GRIK1: variants seen among roughly 807,000 people sequenced by gnomAD.
GRIK1 encodes glutamate ionotropic receptor kainate type subunit 1.
Under a neutral mutation model 105.7 loss-of-function variants are expected in GRIK1, and 69 were observed. The observed-to-expected ratio is 0.65, with a 90% CI of 0.54 to 0.80. The LOEUF (loss-of-function observed/expected upper bound fraction) is 0.80. GRIK1 is among the 30% of genes least tolerant of loss of function. The probability of loss-of-function intolerance (pLI) is 0.00; values close to 1 mark genes in which losing one functional copy is unlikely to be tolerated. For missense variants in GRIK1, 1,109 were observed against 1,167.3 expected (o/e 0.95, Z 0.73); for synonymous variants, 438 against 431.3 (o/e 1.02, Z -0.19).
intron 1 of GRIK1, among the ~76,000 whole-genome samples, chr21:29,813,598 T>C (rs2067070695): frequency 6.6e-6 from 1 of 152,136 alleles, no homozygotes; most frequent in Admixed American, 6.5e-5. Context: ...TAAACATGAG[T>C]GTGTAGCATT....
At chr21:29,542,250 T>C (rs1283953317) in intron 16 of GRIK1, among the ~76,000 whole-genome samples, 1 of 152,220 alleles carries the variant, frequency 6.6e-6, no homozygotes, top group Non-Finnish European at 1.5e-5. Flanking sequence ...TTTTCTTTCA[T>C]ATTCTGTCTT....
chr21:29,730,811 C>A (rs190525275), intron 1 of GRIK1, among the ~76,000 whole-genome samples: 1 of 151,990 alleles, frequency 6.6e-6, no homozygotes, highest in Admixed American at 6.6e-5. Context: ...ACACTTTTGT[C>A]CTATGGGACA....
chr21:29,720,150 C>T (rs2064283918), intron 1 of GRIK1, among the ~76,000 whole-genome samples: 1 of 152,202 alleles, frequency 6.6e-6, no homozygotes, highest in Non-Finnish European at 1.5e-5. Context: ...GCCATGGCTC[C>T]ACAATCCCTG....
chr21:29,857,747 A>T (rs2068506563), intron 1 of GRIK1, among the ~76,000 whole-genome samples: 2 of 152,310 alleles, frequency 1.3e-5, no homozygotes, highest in Admixed American at 6.5e-5. Flanking sequence ...TCCTCTGATT[A>T]TATATTTACA....
intron 1 of GRIK1, among the ~76,000 whole-genome samples, chr21:29,933,633 G>C (rs1027562979): frequency 6.6e-6 from 1 of 151,790 alleles, no homozygotes; most frequent in Admixed American, 6.6e-5. Flanking sequence ...AGAGAGAGAG[G>C]GAGAGAGTTA....
chr21:29,893,471 G>T (rs2069984060), intron 1 of GRIK1, among the ~76,000 whole-genome samples: 1 of 152,188 alleles, frequency 6.6e-6, no homozygotes, highest in African/African-American at 2.4e-5. Flanking sequence ...ACTTGGAAAA[G>T]CTGCCTAATC....
chr21:29,696,891 C>G (rs1247864117), intron 1 of GRIK1, among the ~76,000 whole-genome samples: 1 of 152,200 alleles, frequency 6.6e-6, no homozygotes, highest in East Asian at 1.9e-4. Flanking sequence ...GATCTACCTA[C>G]TTCCTCTTTG....
At chr21:29,607,712 G>T (rs187369090) in intron 7 of GRIK1, among the ~76,000 whole-genome samples, 1 of 152,156 alleles carries the variant, frequency 6.6e-6, no homozygotes, top group East Asian at 1.9e-4. Flanking sequence ...GAATTATAGA[G>T]TTCTGATGTA....
intron 1 of GRIK1, among the ~76,000 whole-genome samples, chr21:29,844,734 C>T (rs564227709): frequency 6.6e-6 from 1 of 152,216 alleles, no homozygotes; most frequent in South Asian, 2.1e-4. Context: ...TCTGTTTTGG[C>T]GAGTTATAGT....
At chr21:29,596,146 C>A in intron 9 of GRIK1, 1 of 357,108 alleles carries the variant, frequency 2.8e-6, no homozygotes, top group South Asian at 2.3e-5. Context: ...TGGATCAAAT[C>A]TATTGTGATT....
intron 1 of GRIK1, among the ~76,000 whole-genome samples, chr21:29,706,348 A>G (rs938059090): frequency 2.6e-5 from 4 of 152,244 alleles, no homozygotes; most frequent in African/African-American, 9.6e-5. Flanking sequence ...TAGAACATCT[A>G]AAAAGCTGAC....
chr21:29,821,057 TA>T (rs11369503), intron 1 of GRIK1, among the ~76,000 whole-genome samples: 1,755 of 141,370 alleles, frequency 0.012, 25 homozygotes, highest in African/African-American at 0.037. Context: ...CAACACACAG[TA>T]AAAAAAAAAA....
intron 1 of GRIK1, among the ~76,000 whole-genome samples, chr21:29,734,426 T>C (rs464561): frequency 0.33 from 6,705 of 20,582 alleles, 1,376 homozygotes; most frequent in Middle Eastern, 0.67. Context: ...CTTTTCTTTT[T>C]GAGACAGAGT....
At chr21:29,603,891 G>A (rs2061565470) in intron 7 of GRIK1, among the ~76,000 whole-genome samples, 1 of 152,138 alleles carries the variant, frequency 6.6e-6, no homozygotes, top group South Asian at 2.1e-4. Flanking sequence ...TTGAAAGGAT[G>A]TAGTTATCTT....
intron 1 of GRIK1, among the ~76,000 whole-genome samples, chr21:29,741,048 C>G (rs2064913804): frequency 6.6e-6 from 1 of 152,226 alleles, no homozygotes; most frequent in Non-Finnish European, 1.5e-5. Context: ...GATGTGTACT[C>G]AATCCTCAGA....
At chr21:29,827,275 A>G (rs951516408) in intron 1 of GRIK1, among the ~76,000 whole-genome samples, 1 of 152,142 alleles carries the variant, frequency 6.6e-6, no homozygotes, top group Admixed American at 6.6e-5. Context: ...CTCAGGCCCT[A>G]GACAAAAATT....
Position 29,577,282 on chromosome 21 carries a change from T to C in GRIK1, c.1913-101A>G. ...CTAGGAAGATCAACCTGTAAAAGACTTACCGTCTTGTAGGTAGATGAAATA... is the reference window on the plus strand; with the variant it reads ...CTAGGAAGATCAACCTGTAAAAGACCTACCGTCTTGTAGGTAGATGAAATA... On this transcript the variant is annotated intron_variant, in intron 13 of 17. Transcript: ENST00000327783. The C allele has an allele frequency of 7.4e-6, 5 of 676,444 alleles. No individual in the cohort carries two copies. In the South Asian group the frequency reaches 9.9e-5, roughly 13 times the overall value. The allele number at this position is 676,444 out of a possible 1,614,324, so 41.9% of individuals were successfully genotyped here.
chr21:29,915,715 G>GA (rs2070972737), intron 1 of GRIK1, among the ~76,000 whole-genome samples: 1 of 151,954 alleles, frequency 6.6e-6, no homozygotes, highest in Admixed American at 6.6e-5. Context: ...CAGTTCCACA[G>GA]AAGCTTATAA....
At chr21:29,817,421 T>G (rs391037) in intron 1 of GRIK1, among the ~76,000 whole-genome samples, 29,876 of 152,108 alleles carry the variant, frequency 0.2, 3,068 homozygotes, top group Middle Eastern at 0.28. Context: ...AATAGTAAAT[T>G]GTTAGTATGT....
Sources: gnomAD v4.1 joint callset for allele counts (sites outside exome capture counted in the v4.1 genomes callset) on GRCh38, gnomAD v4.1.1 for gene constraint, MANE v1.5 for transcripts, NCBI Gene and HGNC (gene_info 2026-07-23, HGNC 2026-07-21) for gene names.